RBM47: variants seen among roughly 807,000 people sequenced by gnomAD.
The protein encoded by RBM47 is RNA binding motif protein 47.
In RBM47, 21 loss-of-function variants were observed where a neutral mutation model predicts 47.1. The ratio of observed to expected loss-of-function variants is 0.45; its 90% CI spans 0.32 to 0.64. RBM47 has a LOEUF of 0.64. RBM47 is among the 30% of genes least tolerant of loss of function. RBM47 has a pLI of 0.05. For synonymous variants in RBM47, 375 were observed against 361.7 expected, an observed-to-expected ratio of 1.04 and a Z score of -0.42; for missense variants, 708 against 870.9, an observed-to-expected ratio of 0.81 and a Z score of 2.35.
intron 6 of RBM47, among the ~76,000 whole-genome samples, chr4:40,429,115 ACTGT>A (rs1309533278): frequency 1.3e-5 from 2 of 152,106 alleles, no homozygotes; most frequent in African/African-American, 2.4e-5. Flanking sequence ...GGAAAACGAC[ACTGT>A]CTGTGCTCCA....
intron 3 of RBM47, among the ~76,000 whole-genome samples, chr4:40,446,389 A>G (rs1024815831): frequency 6.6e-6 from 1 of 152,178 alleles, no homozygotes; most frequent in African/African-American, 2.4e-5. Context: ...TGATTTGTGT[A>G]AAGTTCTTAG....
chr4:40,584,663 A>T (rs1328787640), intron 1 of RBM47, among the ~76,000 whole-genome samples: 5 of 152,074 alleles, frequency 3.3e-5, no homozygotes, highest in Non-Finnish European at 5.9e-5. Flanking sequence ...AGTAGATCTC[A>T]CACACACACA....
Position 40,426,110 on chromosome 4 carries a change from G to A in RBM47, c.1576C>T (p.Pro526Ser). The change falls in exon 7 of 7, where the codon CCA becomes TCA. Residue 526 changes from proline to serine, a missense_variant. Coordinates refer to ENST00000295971, the MANE Select transcript of RBM47 (RefSeq NM_001098634.2). ...RPITPVYTVA[P>S]NVQRIPTAGI... ...GCAGTAGGAATTCTCTGAACGTTTG[G>A]AGCCACCGTGTATACTGGAGTTATT... is the stretch of plus-strand genomic sequence containing the variant. 1 of 1,614,150 alleles carries A rather than the reference G, an allele frequency of 6.2e-7. No individual in the cohort carries two copies. The highest frequency in any genetic ancestry group is 8.5e-7 in the Non-Finnish European group (1 of 1,180,038).
At chr4:40,435,019 T>C (rs59258138) in intron 5 of RBM47, among the ~76,000 whole-genome samples, 11,184 of 152,214 alleles carry the variant, frequency 0.073, 535 homozygotes, top group African/African-American at 0.13. Context: ...GAGTTTGTGA[T>C]AGACTCACAC....
chr4:40,476,283 AG>A, intron 2 of RBM47, among the ~76,000 whole-genome samples: 1 of 152,296 alleles, frequency 6.6e-6, no homozygotes, highest in East Asian at 1.9e-4. Flanking sequence ...TTATATTTTT[AG>A]CAAGTGTTGC....
At chr4:40,471,431 C>T (rs375702913) in intron 2 of RBM47, among the ~76,000 whole-genome samples, 1 of 152,112 alleles carries the variant, frequency 6.6e-6, no homozygotes, top group East Asian at 1.9e-4. Context: ...GGCGCAGTGG[C>T]TCACGCCTGT....
chr4:40,541,520 T>C (rs1728540420), intron 2 of RBM47, among the ~76,000 whole-genome samples: 1 of 152,132 alleles, frequency 6.6e-6, no homozygotes, highest in African/African-American at 2.4e-5. Context: ...GTGGATTCCC[T>C]GAGGTCAGGA....
chr4:40,581,979 G>A (rs1422309975), intron 1 of RBM47, among the ~76,000 whole-genome samples: 1 of 151,834 alleles, frequency 6.6e-6, no homozygotes, highest in Non-Finnish European at 1.5e-5. Context: ...CTTAGCAAGT[G>A]GATCGCCATC....
intron 1 of RBM47, among the ~76,000 whole-genome samples, chr4:40,605,587 T>C (rs1735690258): frequency 6.6e-6 from 1 of 151,870 alleles, no homozygotes; most frequent in African/African-American, 2.4e-5. Flanking sequence ...TCTTAGCACT[T>C]TGAGAGGCCA....
intron 1 of RBM47, among the ~76,000 whole-genome samples, chr4:40,598,177 G>T (rs538112944): frequency 6.6e-6 from 1 of 152,230 alleles, no homozygotes; most frequent in Non-Finnish European, 1.5e-5. Flanking sequence ...GAATTTTGCC[G>T]CAATGTCTAA....
intron 2 of RBM47, among the ~76,000 whole-genome samples, chr4:40,469,603 T>C (rs963429204): frequency 1.3e-5 from 2 of 151,582 alleles, no homozygotes; most frequent in African/African-American, 4.8e-5. Context: ...CTGGCTAATT[T>C]TGGGAGGCCG....
At chr4:40,464,883 T>A (rs1717755672) in intron 3 of RBM47, among the ~76,000 whole-genome samples, 1 of 83,918 alleles carries the variant, frequency 1.2e-5, no homozygotes, top group South Asian at 4.6e-4. Flanking sequence ...AGAGCAAGAC[T>A]CTGTCTCAAA....
chr4:40,534,230 T>G (rs1727697970), intron 2 of RBM47, among the ~76,000 whole-genome samples: 1 of 151,954 alleles, frequency 6.6e-6, no homozygotes, highest in African/African-American at 2.4e-5. Context: ...CCACCCACAG[T>G]GCTGGGATTA....
chr4:40,431,615 G>A (rs1343072189), intron 6 of RBM47, among the ~76,000 whole-genome samples: 1 of 150,216 alleles, frequency 6.7e-6, no homozygotes, highest in Non-Finnish European at 1.5e-5. Context: ...CCGAGATGGC[G>A]CCACTGCGCT....
intron 2 of RBM47, among the ~76,000 whole-genome samples, chr4:40,508,044 C>T (rs1724366633): frequency 6.6e-6 from 1 of 152,184 alleles, no homozygotes; most frequent in Admixed American, 6.5e-5. Context: ...CCAGCCTGGG[C>T]AACAAGAGCG....
chr4:40,555,067 C>G (rs901293606), intron 1 of RBM47, among the ~76,000 whole-genome samples: 1 of 152,302 alleles, frequency 6.6e-6, no homozygotes, highest in East Asian at 1.9e-4. Context: ...TTCCCAGTAG[C>G]TGGGATTACA....
chr4:40,516,562 C>T (rs913045156), intron 2 of RBM47, among the ~76,000 whole-genome samples: 1 of 152,044 alleles, frequency 6.6e-6, no homozygotes, highest in Admixed American at 6.6e-5. Context: ...GCCTGGCCCT[C>T]ATCATTCTAT....
intron 3 of RBM47, among the ~76,000 whole-genome samples, chr4:40,458,088 AAGT>A (rs1334935659): frequency 6.6e-6 from 1 of 152,254 alleles, no homozygotes; most frequent in South Asian, 2.1e-4. Flanking sequence ...AGTAGTTTGC[AAGT>A]AGTAGTTATA....
At chr4:40,480,127 G>A (rs979903560) in intron 2 of RBM47, among the ~76,000 whole-genome samples, 5 of 151,798 alleles carry the variant, frequency 3.3e-5, no homozygotes, top group African/African-American at 7.3e-5. Context: ...ACAGGTGTCC[G>A]CCACCATGCC....
Sources: gnomAD v4.1 joint callset for allele counts (sites outside exome capture counted in the v4.1 genomes callset) on GRCh38, gnomAD v4.1.1 for gene constraint, MANE v1.5 for transcripts, NCBI Gene and HGNC (gene_info 2026-07-23, HGNC 2026-07-21) for gene names.